Variants in PITPNM3 observed in about 807,000 individuals in gnomAD.
The protein encoded by PITPNM3 is PITPNM family member 3.
PITPNM3 carries 26 observed loss-of-function variants against 102.0 expected under a neutral mutation model. That is an observed-to-expected ratio of 0.25 (90% CI 0.19 to 0.35). PITPNM3 has a LOEUF of 0.35. Among genes scored for constraint, PITPNM3 ranks in the 10% least tolerant of loss-of-function variants. The probability of loss-of-function intolerance (pLI) is 1.00; values close to 1 mark genes in which losing one functional copy is unlikely to be tolerated. For missense variants in PITPNM3, 1,083 were observed against 1,346.1 expected, an observed-to-expected ratio of 0.80 and a Z score of 3.06; for synonymous variants, 578 against 558.6, an observed-to-expected ratio of 1.03 and a Z score of -0.49.
In PITPNM3 at chr17:6,535,980, C is replaced by T. The variant is rs548030011; in HGVS notation, c.118+2007G>A. ...TTGGGAGGCTGAGGCAGGAGAATTGCTTGAACCCAGGAGGCAGAGGTTGTA... is the reference window on the plus strand; with the variant it reads ...TTGGGAGGCTGAGGCAGGAGAATTGTTTGAACCCAGGAGGCAGAGGTTGTA... On this transcript the variant is annotated intron_variant, in intron 2 of 19. Coordinates refer to ENST00000262483, the MANE Select transcript of PITPNM3 (RefSeq NM_031220.4). 2.0e-5 allele frequency among the ~76,000 whole-genome samples: 3 copies of T among 151,278 alleles called. 1 individual carries two copies. The highest frequency in any genetic ancestry group is 2.1e-4 in the South Asian group (1 of 4,796).
At position 6,507,249 on chromosome 17, in the gene PITPNM3, AC is replaced by A. The variant is rs375608164; in HGVS notation, c.227-3676del. ...ACCATGTGAGAGCCGCCCACCAAGTACCCCCACACATATGCACTGTCCCGTC... is the reference window on the plus strand; with the variant it reads ...ACCATGTGAGAGCCGCCCACCAAGTACCCCACACATATGCACTGTCCCGTC... On this transcript the variant is annotated intron_variant, in intron 3 of 19. Coordinates refer to ENST00000262483, the MANE Select transcript of PITPNM3 (RefSeq NM_031220.4). 2.2e-4 allele frequency among the ~76,000 whole-genome samples: 34 copies of A among 152,178 alleles called. No individual in the cohort carries two copies. The East Asian group carries it at 6.0e-3, about 27-fold the overall frequency.
intron 1 of PITPNM3, among the ~76,000 whole-genome samples, chr17:6,547,214 T>C (rs1434804537): frequency 6.6e-6 from 1 of 151,544 alleles, no homozygotes; most frequent in Non-Finnish European, 1.5e-5. Context: ...GTAAGGGGAG[T>C]CTCCAAGCAG....
At chr17:6,496,423 C>T (rs1327658924) in intron 4 of PITPNM3, among the ~76,000 whole-genome samples, 1 of 152,104 alleles carries the variant, frequency 6.6e-6, no homozygotes, top group Non-Finnish European at 1.5e-5. Context: ...AGAGTCCCAG[C>T]AAATGTTCCC....
chr17:6,514,613 G>A (rs373171128), intron 3 of PITPNM3, among the ~76,000 whole-genome samples: 30 of 152,178 alleles, frequency 2.0e-4, no homozygotes, highest in Non-Finnish European at 2.9e-4. Context: ...ACAAGTGTTG[G>A]CAAGGATGCA....
intron 4 of PITPNM3, among the ~76,000 whole-genome samples, chr17:6,497,035 CAT>C (rs760538993): frequency 7.1e-4 from 108 of 152,244 alleles, no homozygotes; most frequent in Admixed American, 1.2e-3. Context: ...CACACACACA[CAT>C]GCAAGAAAAG....
At chr17:6,523,765 G>T (rs539530991) in intron 3 of PITPNM3, among the ~76,000 whole-genome samples, 1 of 152,218 alleles carries the variant, frequency 6.6e-6, no homozygotes, top group East Asian at 1.9e-4. Flanking sequence ...ATGACGACTG[G>T]TAAGTTGTCT....
At position 6,472,865 on chromosome 17, in the gene PITPNM3, A is replaced by G; in HGVS notation, c.1259-38T>C. The G allele has an allele frequency of 6.2e-7, 1 of 1,610,522 alleles. No homozygotes were observed. The highest frequency in any genetic ancestry group is 8.5e-7 in the Non-Finnish European group (1 of 1,177,994). ...GGAAGACAGAGGGAAGCCACTTTCT[A>G]GTACCTGCTCCCTGGGCCCTAGGAG... On this transcript the variant is annotated intron_variant, in intron 10 of 19. Coordinates refer to ENST00000262483, the MANE Select transcript of PITPNM3 (RefSeq NM_031220.4). The surrounding 1 kb of genome is among the most constrained non-coding windows in gnomAD (Gnocchi z 4.1).
chr17:6,465,312 C>T (rs2150719411), intron 14 of PITPNM3, among the ~76,000 whole-genome samples: 1 of 152,304 alleles, frequency 6.6e-6, no homozygotes, highest in South Asian at 2.1e-4. Flanking sequence ...TCCCAAAGTG[C>T]TGGGATTATA....
Position 6,478,407 on chromosome 17 carries a change from G to C in PITPNM3, c.777+140C>G. The stretch of plus-strand genomic sequence containing the variant: ...TATCTGTAAAATGAGGGCTAACTCA[G>C]AGATCTCAAAAGCCACCTTTGGGCT... On this transcript the variant is annotated intron_variant, in intron 7 of 19. Transcript: ENST00000262483. This position sits in a 1 kb window ranked among gnomAD's most constrained non-coding sequence, Gnocchi z 4.4. 1 of 1,118,504 alleles carries C rather than the reference G, an allele frequency of 8.9e-7. No individual in the cohort carries two copies. Among genetic ancestry groups the C allele is most frequent in the Non-Finnish European group, 1.3e-6 (1 of 765,122 alleles). The allele number at this position is 1,118,504 out of a possible 1,614,324, so 69.3% of individuals were successfully genotyped here.
chr17:6,473,397 G>A (rs1435227233), intron 10 of PITPNM3, among the ~76,000 whole-genome samples: 2 of 152,106 alleles, frequency 1.3e-5, no homozygotes, highest in African/African-American at 2.4e-5. Flanking sequence ...GGACTGGACC[G>A]TCCAGCATCC....
chr17:6,455,185 A>G lies in PITPNM3; in HGVS notation c.*153T>C, dbSNP rs1433662905. On this transcript the variant is annotated 3_prime_UTR_variant, in exon 20 of 20. Transcript: ENST00000262483. ...CTCAGGGAGCCCCCCGGGCTCGGGC[A>G]GGATCCCTCCCCGCTCTGGTCGGAC... 9.7e-7 allele frequency: 1 copy of G among 1,031,202 alleles called. No individual in the cohort carries two copies. Among genetic ancestry groups the G allele is most frequent in the Non-Finnish European group, 1.3e-6 (1 of 746,470 alleles). 63.9% of individuals were successfully genotyped at this position (1,031,202 alleles called of 1,614,324 possible).
chr17:6,496,530 CT>C (rs938985512), intron 4 of PITPNM3, among the ~76,000 whole-genome samples: 2 of 152,144 alleles, frequency 1.3e-5, no homozygotes, highest in Admixed American at 6.5e-5. Context: ...TCTTCCTGTC[CT>C]CTCCACAAAA....
rs1460414580 is a variant in PITPNM3 at position 6,537,574 on chromosome 17, C to A, written c.118+413G>T. Among the ~76,000 whole-genome samples the A allele has an allele frequency of 6.6e-6, 1 of 152,222 alleles. No individual in the cohort carries two copies. Among genetic ancestry groups the A allele is most frequent in the Non-Finnish European group, 1.5e-5 (1 of 68,032 alleles). On this transcript the variant is annotated intron_variant, in intron 2 of 19. Transcript: ENST00000262483. The surrounding 1 kb of genome is among the most constrained non-coding windows in gnomAD (Gnocchi z 4.4). ...GTGCTGGGATTACAGGTGTGAGCCA[C>A]CACGCCTGGCCTGACTGTTCTCTCT...
chr17:6,494,432 G>A (rs953660118), intron 4 of PITPNM3, among the ~76,000 whole-genome samples: 3 of 152,160 alleles, frequency 2.0e-5, no homozygotes, highest in African/African-American at 7.2e-5. Flanking sequence ...CCCTGGCCCT[G>A]CCTGGAACAG....
At chr17:6,518,035 T>C (rs754321812) in intron 3 of PITPNM3, among the ~76,000 whole-genome samples, 8 of 152,140 alleles carry the variant, frequency 5.3e-5, no homozygotes, top group Non-Finnish European at 1.0e-4. Context: ...ATACAGTATA[T>C]AGATAATGTA....
At chr17:6,536,535 C>T (rs1055185001) in intron 2 of PITPNM3, among the ~76,000 whole-genome samples, 6 of 152,230 alleles carry the variant, frequency 3.9e-5, no homozygotes, top group Admixed American at 1.3e-4. Context: ...AGGGGTTCCC[C>T]GCCCAGAGCC....
intron 3 of PITPNM3, among the ~76,000 whole-genome samples, chr17:6,512,493 G>A (rs1022010954): frequency 6.6e-6 from 1 of 152,078 alleles, no homozygotes; most frequent in Admixed American, 6.5e-5. Flanking sequence ...TTAGTGCATC[G>A]GAATCACAGG....
chr17:6,535,539 A>T (rs1909365442), intron 2 of PITPNM3, among the ~76,000 whole-genome samples: 1 of 152,096 alleles, frequency 6.6e-6, no homozygotes, highest in Non-Finnish European at 1.5e-5. Flanking sequence ...GAGGCTGCAG[A>T]GATATACGAG....
Position 6,483,770 on chromosome 17 carries a change from T to G in PITPNM3, c.352-18A>C. 2.1e-3 allele frequency: 3,374 copies of G among 1,574,560 alleles called. No individual in the cohort carries two copies. Among genetic ancestry groups the G allele is most frequent in the Non-Finnish European group, 2.7e-3 (3,083 of 1,148,924 alleles). ...CAGCCTTCCTGAGAGCCAAGGCGGT[T>G]GGAATACAGAGAGAGAGGCGGCTGG... On this transcript the variant is annotated intron_variant, in intron 5 of 19. Coordinates refer to ENST00000262483, the MANE Select transcript of PITPNM3 (RefSeq NM_031220.4).
Sources: gnomAD v4.1 joint callset for allele counts (sites outside exome capture counted in the v4.1 genomes callset) on GRCh38, gnomAD v4.1.1 for gene constraint, Gnocchi (gnomAD v3.1) non-coding constraint, MANE v1.5 for transcripts, NCBI Gene and HGNC (gene_info 2026-07-23, HGNC 2026-07-21) for gene names.